Variants in DIDO1 observed in about 807,000 individuals in gnomAD.
DIDO1 encodes death inducer-obliterator 1.
DIDO1 carries 16 observed loss-of-function variants against 99.4 expected under a neutral mutation model. The observed-to-expected ratio is 0.16, with a 90% CI of 0.11 to 0.24. The LOEUF (loss-of-function observed/expected upper bound fraction) is 0.24. Among genes scored for constraint, DIDO1 ranks in the 10% least tolerant of loss-of-function variants. The pLI is 1.00. For missense variants in DIDO1, 2,996 were observed against 3,014.0 expected (o/e 0.99, Z 0.14); for synonymous variants, 1,366 against 1,239.1 (o/e 1.10, Z -2.15).
At chr20:62,937,785 A>G (rs1179799933) in intron 1 of DIDO1, 1 of 397,694 alleles carries the variant, frequency 2.5e-6, no homozygotes, top group Non-Finnish European at 4.4e-6. Context: ...CGACAGGAAA[A>G]AAGCTGGGAC....
At chr20:62,900,345 G>C (rs1454576906) in intron 6 of DIDO1, among the ~76,000 whole-genome samples, 1 of 152,264 alleles carries the variant, frequency 6.6e-6, no homozygotes, top group Admixed American at 6.5e-5. Flanking sequence ...GTCGTGCACA[G>C]GGATCAGCAG....
intron 2 of DIDO1, among the ~76,000 whole-genome samples, chr20:62,913,732 G>A (rs1319799210): frequency 6.6e-6 from 1 of 152,262 alleles, no homozygotes; most frequent in African/African-American, 2.4e-5. Context: ...CAAAGTTGCA[G>A]TCGCCTCTGC....
intron 4 of DIDO1, among the ~76,000 whole-genome samples, chr20:62,908,077 T>C (rs2064846290): frequency 6.6e-6 from 1 of 152,088 alleles, no homozygotes. Context: ...TGTCCTGGGC[T>C]CAAGTGATCC....
At chr20:62,909,251 C>T (rs1256630090) in intron 4 of DIDO1, among the ~76,000 whole-genome samples, 1 of 152,236 alleles carries the variant, frequency 6.6e-6, no homozygotes, top group East Asian at 1.9e-4. Context: ...CAGAAGCTGA[C>T]AGCATGTGGG....
Position 62,911,989 on chromosome 20 carries a change from A to G in DIDO1, c.-2-375T>C, listed in dbSNP as rs564899048. ...GTGAGCAAGGACGCGAGCAGCTCGG[A>G]GGTGGCACGAGCTCCCCAGCACCTC... On this transcript the variant is annotated intron_variant, in intron 2 of 15. Coordinates refer to ENST00000395343, the MANE Select transcript of DIDO1 (RefSeq NM_001193369.2). The surrounding 1 kb of genome is among the most constrained non-coding windows in gnomAD (Gnocchi z 7.0). Among the ~76,000 whole-genome samples, 2 of 152,098 alleles carry G rather than the reference A, an allele frequency of 1.3e-5. No individual in the cohort carries two copies. Among genetic ancestry groups the G allele is most frequent in the East Asian group, 3.9e-4 (2 of 5,182 alleles).
chr20:62,886,692 A>G (rs1178979719), intron 15 of DIDO1, among the ~76,000 whole-genome samples: 1 of 152,212 alleles, frequency 6.6e-6, no homozygotes, highest in East Asian at 1.9e-4. Context: ...TATCACAGTG[A>G]GGCCTTTACC....
At chr20:62,920,678 A>C (rs959354367) in intron 1 of DIDO1, among the ~76,000 whole-genome samples, 1 of 152,230 alleles carries the variant, frequency 6.6e-6, no homozygotes, top group African/African-American at 2.4e-5. Flanking sequence ...TCTGCACAAC[A>C]CCAACATTCC....
Position 62,882,215 on chromosome 20 carries a change from G to A in DIDO1, c.3741C>T (p.Cys1247=), listed in dbSNP as rs1168201421. The A allele has an allele frequency of 1.9e-6, 3 of 1,613,650 alleles. No homozygotes were observed. The African/African-American group carries it at 4.0e-5, about 22-fold the overall frequency. The change falls in exon 16 of 16, where the codon TGC becomes TGT. Residue 1247 remains cysteine (C), a synonymous_variant. Coordinates refer to ENST00000395343, the MANE Select transcript of DIDO1 (RefSeq NM_001193369.2). Reference sequence around the variant, plus strand: ...TGGTGCTGACAGCCGCGTCTGCAGAGCAGAGTGGATACTTGGAGGGCTTCT... The same window carrying A: ...TGGTGCTGACAGCCGCGTCTGCAGAACAGAGTGGATACTTGGAGGGCTTCT... The part of the protein sequence containing the change: ...SEKKPSKYPL[C]SADAAVSTTP...
chr20:62,888,243 T>C, intron 15 of DIDO1: 1 of 985,496 alleles, frequency 1.0e-6, no homozygotes, highest in Non-Finnish European at 1.2e-6. Flanking sequence ...CACCTGCAAT[T>C]GTGTGGTATA....
At chr20:62,885,828 G>A (rs575979734) in intron 15 of DIDO1, among the ~76,000 whole-genome samples, 7 of 152,360 alleles carry the variant, frequency 4.6e-5, no homozygotes, top group African/African-American at 1.7e-4. Flanking sequence ...AGTGCACTTC[G>A]CCTGGCTGGA....
At chr20:62,906,854 G>A (rs1402349715) in intron 5 of DIDO1, among the ~76,000 whole-genome samples, 2 of 152,120 alleles carry the variant, frequency 1.3e-5, no homozygotes, top group Admixed American at 6.6e-5. Flanking sequence ...AAACTCCACC[G>A]GGTGGTTACC....
intron 2 of DIDO1, among the ~76,000 whole-genome samples, chr20:62,912,904 C>T (rs1049279021): frequency 1.3e-5 from 2 of 152,170 alleles, no homozygotes; most frequent in Admixed American, 1.3e-4. Flanking sequence ...TGGTGGCAGG[C>T]GCCTGTAATC....
At position 62,902,193 on chromosome 20, in the gene DIDO1, G is replaced by A. The variant is rs547500747; in HGVS notation, c.1588+3694C>T. Among the ~76,000 whole-genome samples, 99 of 152,340 alleles carry A rather than the reference G, an allele frequency of 6.5e-4. 2 individuals are homozygous for A. In the Middle Eastern group the frequency reaches 0.02, roughly 31 times the overall value. ...CTTCACCGTGCAGGGTCACGGTTAC[G>A]GAGGTGTGAAACCTTTCCCTGATGT... On this transcript the variant is annotated intron_variant, in intron 6 of 15. Transcript: ENST00000395343.
At chr20:62,901,817 G>GA (rs11467476) in intron 6 of DIDO1, among the ~76,000 whole-genome samples, 1,408 of 112,962 alleles carry the variant, frequency 0.012, 6 homozygotes, top group African/African-American at 0.021. Context: ...TGTGTTAACA[G>GA]AAAAAAAAAA....
At chr20:62,885,852 C>T (rs1427183201) in intron 15 of DIDO1, among the ~76,000 whole-genome samples, 2 of 152,250 alleles carry the variant, frequency 1.3e-5, no homozygotes, top group African/African-American at 4.8e-5. Context: ...TGGGAGCCAT[C>T]TTCCCCTGGA....
At position 62,905,969 on chromosome 20, in the gene DIDO1, C is replaced by T. The variant is rs748857273; in HGVS notation, c.1506G>A (p.Thr502=). ...LGKEAACESS[T]PSWASDHNYN... ...AATTGTGATCGCTCGCCCACGACGG[C>T]GTGCTGCTCTCACAAGCTGCTTCCT... Residue 502 remains threonine, a synonymous_variant, in exon 6 of 16, where the codon ACG becomes ACA. Transcript: ENST00000395343. 9.9e-6 allele frequency: 16 copies of T among 1,613,958 alleles called. No homozygotes were observed. Among genetic ancestry groups the T allele is most frequent in the South Asian group, 3.3e-5 (3 of 91,084 alleles).
chr20:62,929,758 G>GTTT (rs35776708), upstream of DIDO1, among the ~76,000 whole-genome samples: 303 of 126,052 alleles, frequency 2.4e-3, 1 homozygote, highest in African/African-American at 9.2e-3. Context: ...CCACTGTTTT[G>GTTT]TTTTTTTTTT....
At chr20:62,903,770 A>G (rs1398097725) in intron 6 of DIDO1, among the ~76,000 whole-genome samples, 1 of 152,186 alleles carries the variant, frequency 6.6e-6, no homozygotes, top group Non-Finnish European at 1.5e-5. Flanking sequence ...ACTTGAGGTG[A>G]TGTGTTGGGA....
chr20:62,923,613 C>T (rs1440538101), intron 1 of DIDO1, among the ~76,000 whole-genome samples: 1 of 152,246 alleles, frequency 6.6e-6, no homozygotes, highest in Non-Finnish European at 1.5e-5. Context: ...TGCAAAACAG[C>T]TGTAACGTGG....
Sources: allele counts gnomAD v4.1 joint callset (sites outside exome capture counted in the v4.1 genomes callset), GRCh38; gene constraint gnomAD v4.1.1; non-coding constraint Gnocchi (gnomAD v3.1); transcripts MANE v1.5; gene names NCBI Gene and HGNC (gene_info 2026-07-23, HGNC 2026-07-21).